The following CEP250 variants were observed in gnomAD, a reference collection of about 807,000 sequenced individuals.
CEP250 encodes the protein centrosomal protein 250.
Under a neutral mutation model 315.7 loss-of-function variants are expected in CEP250, and 242 were observed. The ratio of observed to expected loss-of-function variants is 0.77; its 90% CI spans 0.69 to 0.85. The LOEUF (loss-of-function observed/expected upper bound fraction) is 0.85, where lower values mean the gene tolerates loss of function less well. CEP250 is among the 40% of genes least tolerant of loss of function. The pLI is 0.00. For synonymous variants in CEP250, 1,088 were observed against 1,175.0 expected (o/e 0.93, Z 1.51); for missense variants, 2,515 against 2,886.4 (o/e 0.87, Z 2.95).
chr20:35,481,466 G>A (rs1484708685), intron 20 of CEP250, among the ~76,000 whole-genome samples: 1 of 152,066 alleles, frequency 6.6e-6, no homozygotes, highest in African/African-American at 2.4e-5. Context: ...TAATTTATAG[G>A]CTATTTTGTT....
chr20:35,492,553 G>T (rs530844845), intron 22 of CEP250, among the ~76,000 whole-genome samples: 3 of 152,146 alleles, frequency 2.0e-5, no homozygotes. Flanking sequence ...AACACCTGTC[G>T]CAAGGGCCCT....
Position 35,462,304 on chromosome 20 carries a change from C to A in CEP250, c.-64C>A, listed in dbSNP as rs1049727798. Reference sequence around the variant, plus strand: ...GAAGTGGCATGGCAATGGTTAGAGACCCTGCTGGGCGTGAACACCCTCTGG... The same window carrying A: ...GAAGTGGCATGGCAATGGTTAGAGAACCTGCTGGGCGTGAACACCCTCTGG... On this transcript the variant is annotated 5_prime_UTR_variant, in exon 4 of 35. Transcript: ENST00000397527. 5 of 1,365,110 alleles carry A rather than the reference C, an allele frequency of 3.7e-6. No individual in the cohort carries two copies. Among genetic ancestry groups the A allele is most frequent in the Middle Eastern group, 2.5e-4 (1 of 4,016 alleles). 84.6% of individuals were successfully genotyped at this position (1,365,110 alleles called of 1,614,324 possible).
At chr20:35,466,258 T>C in intron 7 of CEP250, 54 bp downstream of exon 7, 7 of 1,536,594 alleles carry the variant, frequency 4.6e-6, no homozygotes, top group Non-Finnish European at 6.2e-6. Context: ...TTCTGGATGC[T>C]GCCCTGGTCA....
chr20:35,467,404 G>A lies in CEP250; in HGVS notation c.700G>A (p.Gly234Arg), dbSNP rs774719815. 27 of 1,614,102 alleles carry A rather than the reference G, an allele frequency of 1.7e-5. No individual in the cohort carries two copies. Among genetic ancestry groups the A allele is most frequent in the Non-Finnish European group, 1.9e-5 (22 of 1,180,056 alleles). Residue 234 changes from glycine (G) to arginine (R), a missense_variant, in exon 9 of 35, where the codon GGA becomes AGA. Coordinates refer to ENST00000397527, the MANE Select transcript of CEP250 (RefSeq NM_007186.6). ...TVGAQSREPN[G>R]SGRMDGREPA... is the part of the protein sequence containing the mutation. ...GGGAGCACAGTCTCGGGAACCCAAC[G>A]GATCTGGAAGAATGGATGGGCGGGA...
In CEP250 at chr20:35,516,665, C is replaced by G. The variant is rs1474781780; in HGVS notation, c.*5039C>G. The G allele has an allele frequency of 6.6e-6, 1 of 152,266 alleles. No individual in the cohort carries two copies. Among genetic ancestry groups the G allele is most frequent in the Non-Finnish European group, 1.5e-5 (1 of 68,080 alleles). 9.4% of individuals were successfully genotyped at this position (152,266 alleles called of 1,614,324 possible). A position where few individuals can be genotyped will look rare whatever the true frequency, so the allele number is the denominator to read the frequency against. ...GGGATCTCTGAGAAGGAGCTCACCT[C>G]TAGGCACACAGAACCTGGACACAGA... On this transcript the variant is annotated 3_prime_UTR_variant, in exon 35 of 35. Coordinates refer to ENST00000397527, the MANE Select transcript of CEP250 (RefSeq NM_007186.6).
intron 9 of CEP250, among the ~76,000 whole-genome samples, chr20:35,468,442 G>A (rs983419393): frequency 2.0e-5 from 3 of 152,112 alleles, no homozygotes; most frequent in African/African-American, 7.2e-5. Context: ...TAATGACATA[G>A]AAGGGCAGGG....
chr20:35,456,485 G>T (rs1225457909), intron 1 of CEP250, among the ~76,000 whole-genome samples: 1 of 152,146 alleles, frequency 6.6e-6, no homozygotes, highest in Non-Finnish European at 1.5e-5. Flanking sequence ...AAGGAGAACT[G>T]GTCCCAGATT....
chr20:35,475,145 C>T (rs1046220969), intron 14 of CEP250, among the ~76,000 whole-genome samples: 1 of 152,164 alleles, frequency 6.6e-6, no homozygotes, highest in Non-Finnish European at 1.5e-5. Flanking sequence ...CTTCAGTGAG[C>T]TAAGAAGATA....
rs780050066 is a variant in CEP250, at chr20:35,498,044, C to T, written c.3632C>T (p.Pro1211Leu). ...PELSGGGDSA[P>L]SVWGLEPDQN... Reference sequence around the variant, plus strand: ...CTGAGTGGTGGGGGAGACTCTGCTCCTTCCGTCTGGGGCCTTGAGCCAGGT... The same window carrying T: ...CTGAGTGGTGGGGGAGACTCTGCTCTTTCCGTCTGGGGCCTTGAGCCAGGT... The change falls in exon 26 of 35, where the codon CCT becomes CTT. Residue 1211 changes from proline (P) to leucine (L), a missense_variant. Coordinates refer to ENST00000397527, the MANE Select transcript of CEP250 (RefSeq NM_007186.6). 6.3e-7 allele frequency: 1 copy of T among 1,586,488 alleles called. No individual in the cohort carries two copies. Among genetic ancestry groups the T allele is most frequent in the Non-Finnish European group, 8.6e-7 (1 of 1,161,746 alleles).
At position 35,514,606 on chromosome 20, in the gene CEP250, G is replaced by A. The variant is rs993146106; in HGVS notation, c.*2980G>A. The A allele has an allele frequency of 6.6e-6, 1 of 152,290 alleles. No individual in the cohort carries two copies. Among genetic ancestry groups the A allele is most frequent in the Non-Finnish European group, 1.5e-5 (1 of 68,162 alleles). 9.4% of individuals were successfully genotyped at this position (152,290 alleles called of 1,614,324 possible). ...ACCTTTGCTGCTCTGCTTCCCACAT[G>A]GGACTGCCAGCACCCTGAAGGCAGA... On this transcript the variant is annotated 3_prime_UTR_variant, in exon 35 of 35. Coordinates refer to ENST00000397527, the MANE Select transcript of CEP250 (RefSeq NM_007186.6).
At chr20:35,472,861 A>G in intron 12 of CEP250, 30 bp downstream of exon 12, 1 of 1,612,746 alleles carries the variant, frequency 6.2e-7, no homozygotes, top group Non-Finnish European at 8.5e-7. Flanking sequence ...CACCTCAGTC[A>G]CAGGGGTTTG....
chr20:35,470,577 C>T (rs2063000518), intron 10 of CEP250, among the ~76,000 whole-genome samples: 4 of 152,092 alleles, frequency 2.6e-5, no homozygotes. Flanking sequence ...TGCAGAAACC[C>T]CGTCTCTACT....
intron 1 of CEP250, among the ~76,000 whole-genome samples, chr20:35,457,725 G>A (rs2062663330): frequency 6.6e-6 from 1 of 152,148 alleles, no homozygotes; most frequent in Non-Finnish European, 1.5e-5. Flanking sequence ...CCTGAACCGG[G>A]GAGGCAGAGG....
intron 23 of CEP250, 83 bp from the exon 24 acceptor site, chr20:35,494,441 G>A: frequency 6.4e-7 from 1 of 1,565,680 alleles, no homozygotes; most frequent in East Asian, 2.2e-5. Flanking sequence ...AAACCTCGAA[G>A]GACCCTGAAG....
chr20:35,465,915 C>T (rs1180776547), intron 6 of CEP250, 90 bp downstream of exon 6: 2 of 1,515,582 alleles, frequency 1.3e-6, no homozygotes, highest in African/African-American at 2.7e-5. Flanking sequence ...CTAATGTGGA[C>T]TTCAGCCATA....
Position 35,476,579 on chromosome 20 carries a change from A to G in CEP250, c.1847A>G (p.Asn616Ser). 1 of 1,612,972 alleles carries G rather than the reference A, an allele frequency of 6.2e-7. No homozygotes were observed. Among genetic ancestry groups the G allele is most frequent in the Non-Finnish European group, 8.5e-7 (1 of 1,178,950 alleles). ...EALALDKVGL[N>S]QQLLQLEEEN... ...TTGGCGTTAGATAAAGTTGGGCTGA[A>G]CCAGCAGCTTCTCCAGGTGAGCAAA... The change falls in exon 16 of 35, where the codon AAC becomes AGC. Residue 616 changes from asparagine (N) to serine (S), a missense_variant. By Grantham distance (46) the Asn-to-Ser change is conservative. Coordinates refer to ENST00000397527, the MANE Select transcript of CEP250 (RefSeq NM_007186.6).
At chr20:35,459,443 G>A (rs1038218859) in intron 2 of CEP250, among the ~76,000 whole-genome samples, 19 of 152,070 alleles carry the variant, frequency 1.2e-4, no homozygotes, top group African/African-American at 4.1e-4. Context: ...GCTTATTAGA[G>A]ATATTAGGTT....
chr20:35,472,291 G>A, intron 11 of CEP250, 140 bp downstream of exon 11: 1 of 636,550 alleles, frequency 1.6e-6, no homozygotes, highest in Non-Finnish European at 2.8e-6. Context: ...TTGTGTGTTT[G>A]AAGACCAGAA....
chr20:35,487,798 C>T (rs2063560050), intron 20 of CEP250, among the ~76,000 whole-genome samples: 1 of 152,144 alleles, frequency 6.6e-6, no homozygotes, highest in Non-Finnish European at 1.5e-5. Flanking sequence ...AAAGAGAAGT[C>T]AGGGTTACAT....
Sources: allele counts gnomAD v4.1 joint callset (sites outside exome capture counted in the v4.1 genomes callset), GRCh38; gene constraint gnomAD v4.1.1; transcripts MANE v1.5; gene names NCBI Gene and HGNC (gene_info 2026-07-23, HGNC 2026-07-21).